PPP1R9A: variants seen among roughly 807,000 people sequenced by gnomAD.
PPP1R9A encodes the protein neurabin-1.
In PPP1R9A, 59 loss-of-function variants were observed where a neutral mutation model predicts 141.9. The ratio of observed to expected loss-of-function variants is 0.42; its 90% confidence interval spans 0.34 to 0.52. The LOEUF is 0.52. Ranked by LOEUF, PPP1R9A falls within the 20% of genes least tolerant of loss-of-function variation. The pLI is 0.10. For missense variants in PPP1R9A, 1,444 were observed against 1,611.9 expected (o/e 0.90, Z 1.78); for synonymous variants, 500 against 569.7 (o/e 0.88, Z 1.74).
intron 4 of PPP1R9A, chr7:95,155,231 T>C (rs567745035): frequency 5.4e-4 from 81 of 148,922 alleles, no homozygotes; most frequent in Middle Eastern, 3.5e-3. Flanking sequence ...CTTTCCCCCA[T>C]GTAGGAGTAT....
At chr7:95,140,809 G>C (rs955376909) in intron 4 of PPP1R9A, among the ~76,000 whole-genome samples, 5 of 152,160 alleles carry the variant, frequency 3.3e-5, no homozygotes, top group African/African-American at 1.2e-4. Flanking sequence ...TGCCTCCAAA[G>C]CTCAAGCAAT....
intron 2 of PPP1R9A, among the ~76,000 whole-genome samples, chr7:95,023,816 T>C (rs1387532681): frequency 6.6e-6 from 1 of 152,166 alleles, no homozygotes; most frequent in Non-Finnish European, 1.5e-5. Context: ...CCTCCCAAAG[T>C]GTTGGGATTA....
chr7:94,988,323 C>T (rs1283731033), intron 2 of PPP1R9A, among the ~76,000 whole-genome samples: 1 of 152,078 alleles, frequency 6.6e-6, no homozygotes, highest in East Asian at 1.9e-4. Flanking sequence ...TTCTCATATT[C>T]TGGTGCTTAT....
At chr7:95,277,486 A>G (rs705376) in intron 16 of PPP1R9A, among the ~76,000 whole-genome samples, 136,274 of 152,220 alleles carry the variant, frequency 0.9, 61,160 homozygotes, top group East Asian at 1. Flanking sequence ...CTGGAGGACT[A>G]TGGCACAATC....
intron 4 of PPP1R9A, among the ~76,000 whole-genome samples, chr7:95,122,735 A>T (rs1310805061): frequency 6.6e-6 from 1 of 152,224 alleles, no homozygotes; most frequent in East Asian, 1.9e-4. Flanking sequence ...ACTTATTAAC[A>T]GTCTTCCTCC....
At position 95,002,424 on chromosome 7, in the gene PPP1R9A, C is replaced by T. The variant is rs946445565; in HGVS notation, c.1395+90916C>T. Among the ~76,000 whole-genome samples, 5 of 151,970 alleles carry T rather than the reference C, an allele frequency of 3.3e-5. 1 individual carries two copies. The highest frequency in any genetic ancestry group is 3.3e-4 in the Admixed American group (5 of 15,242). ...TGAGAGGTAGCTGAGGTGGGTGTCTCCAGGTAGGACACGTGAAGATGGGAA... is the reference window on the plus strand; with the variant it reads ...TGAGAGGTAGCTGAGGTGGGTGTCTTCAGGTAGGACACGTGAAGATGGGAA... On this transcript the variant is annotated intron_variant, in intron 2 of 19. Transcript: ENST00000433360.
chr7:95,258,107 G>T (rs1296761806), intron 12 of PPP1R9A, among the ~76,000 whole-genome samples: 2 of 151,622 alleles, frequency 1.3e-5, no homozygotes, highest in East Asian at 1.9e-4. Flanking sequence ...CTTCCACAAT[G>T]GTTGAACTAG....
At chr7:95,119,124 A>G (rs1410582478) in intron 3 of PPP1R9A, among the ~76,000 whole-genome samples, 1 of 152,186 alleles carries the variant, frequency 6.6e-6, no homozygotes, top group African/African-American at 2.4e-5. Flanking sequence ...ATCACTGTTG[A>G]TTAGTTAGTA....
At chr7:95,222,381 T>C (rs1333067649) in intron 7 of PPP1R9A, among the ~76,000 whole-genome samples, 1 of 152,090 alleles carries the variant, frequency 6.6e-6, no homozygotes, top group Non-Finnish European at 1.5e-5. Context: ...GTATGGTCTC[T>C]GAGTCTCAGT....
chr7:94,968,845 AT>A (rs1327767663), intron 2 of PPP1R9A, among the ~76,000 whole-genome samples: 2 of 151,684 alleles, frequency 1.3e-5, no homozygotes, highest in Non-Finnish European at 2.9e-5. Context: ...GTTCCTTTTG[AT>A]TCTTTTTTCT....
chr7:95,284,414 T>G (rs1804890763), intron 17 of PPP1R9A, 84 bp downstream of exon 17: 1 of 1,221,162 alleles, frequency 8.2e-7, no homozygotes, highest in Admixed American at 2.8e-5. Context: ...TCTTTAATGC[T>G]GTTTCATTGT....
intron 2 of PPP1R9A, among the ~76,000 whole-genome samples, chr7:94,944,657 A>G (rs900015065): frequency 3.3e-5 from 5 of 151,918 alleles, no homozygotes; most frequent in Non-Finnish European, 7.4e-5. Flanking sequence ...GAAATCCCAA[A>G]CCCTTTTCAG....
rs953380685 is a variant in PPP1R9A at position 94,973,755 on chromosome 7, A to C, written c.1395+62247A>C. 2.2e-5 allele frequency among the ~76,000 whole-genome samples: 3 copies of C among 138,862 alleles called. No individual in the cohort carries two copies. The Admixed American group carries it at 2.3e-4, about 10-fold the overall frequency. 91.1% of individuals were successfully genotyped at this position (138,862 alleles called of 152,430 possible). ...TTTTTTTGAGAAAATGTCTCGCTCT[A>C]TTGCCCAGGCTGGAGTGCAGTGGCA... is the stretch of plus-strand genomic sequence containing the variant. On this transcript the variant is annotated intron_variant, in intron 2 of 19. Coordinates refer to ENST00000433360, the MANE Select transcript of PPP1R9A (RefSeq NM_001166160.2).
At chr7:94,975,936 C>T (rs905170205) in intron 2 of PPP1R9A, among the ~76,000 whole-genome samples, 14 of 152,222 alleles carry the variant, frequency 9.2e-5, no homozygotes, top group African/African-American at 2.2e-4. Context: ...AAAGTAGCCC[C>T]GGTTTCTCTG....
intron 3 of PPP1R9A, among the ~76,000 whole-genome samples, chr7:95,116,299 A>G (rs569793392): frequency 1.4e-4 from 22 of 152,330 alleles, no homozygotes; most frequent in Non-Finnish European, 2.9e-4. Flanking sequence ...GATGAAAAGC[A>G]TCATCTTTTG....
Position 95,094,879 on chromosome 7 carries a change from CAAAAAAAAAAA to C in PPP1R9A, c.1396-16364_1396-16354del, listed in dbSNP as rs1166550834. Among the ~76,000 whole-genome samples, 10 of 44,994 alleles carry C rather than the reference CAAAAAAAAAAA, an allele frequency of 2.2e-4. No individual in the cohort carries two copies. The South Asian group carries it at 4.2e-3, about 19-fold the overall frequency. The allele number at this position is 44,994 out of a possible 152,430, so 29.5% of individuals were successfully genotyped here. On this transcript the variant is annotated intron_variant, in intron 2 of 19. Coordinates refer to ENST00000433360, the MANE Select transcript of PPP1R9A (RefSeq NM_001166160.2). ...TGGGCGACAGAGGGAGACTGCGTCT[CAAAAAAAAAAA>C]AAAAAAAAAAAAAAAGGAACAAAAG...
At chr7:95,205,379 C>T (rs1328121605) in intron 7 of PPP1R9A, among the ~76,000 whole-genome samples, 1 of 152,096 alleles carries the variant, frequency 6.6e-6, no homozygotes, top group African/African-American at 2.4e-5. Context: ...ACTTTGTACT[C>T]CCTAGAAACA....
intron 5 of PPP1R9A, among the ~76,000 whole-genome samples, chr7:95,186,367 C>A (rs1834653624): frequency 6.6e-6 from 1 of 152,094 alleles, no homozygotes; most frequent in South Asian, 2.1e-4. Flanking sequence ...ATTCATTTTG[C>A]ATCCTGAAAT....
intron 18 of PPP1R9A, chr7:95,287,216 A>G: frequency 6.7e-7 from 1 of 1,482,744 alleles, no homozygotes; most frequent in Non-Finnish European, 9.4e-7. Flanking sequence ...TGACTGAAAA[A>G]TCAGACAATA....
Sources: allele counts gnomAD v4.1 joint callset (sites outside exome capture counted in the v4.1 genomes callset), GRCh38; gene constraint gnomAD v4.1.1; transcripts MANE v1.5; gene names NCBI Gene and HGNC (gene_info 2026-07-23, HGNC 2026-07-21).